The following DAB1 variants were observed in gnomAD, a reference collection of about 807,000 sequenced individuals.
The protein encoded by DAB1 is DAB adaptor protein 1.
A neutral mutation model predicts 64.6 loss-of-function variants in DAB1; 15 were observed. The observed-to-expected ratio is 0.23, with a 90% confidence interval of 0.16 to 0.36. The LOEUF is 0.36. DAB1 is among the 10% of genes least tolerant of loss of function. DAB1 has a pLI of 1.00. For missense variants in DAB1, 596 were observed against 706.7 expected (o/e 0.84, Z 1.78); for synonymous variants, 235 against 251.9 (o/e 0.93, Z 0.64).
chr1:57,097,450 C>T (rs1170838079), intron 4 of DAB1, among the ~76,000 whole-genome samples: 3 of 152,174 alleles, frequency 2.0e-5, no homozygotes, highest in Non-Finnish European at 2.9e-5. Flanking sequence ...GCATCCAATG[C>T]TTATGCACTT....
rs1046604388 is a variant in DAB1, at chr1:58,348,343, C to A, written n.258-4940G>T. On this transcript the variant is annotated intron_variant and non_coding_transcript_variant, in intron 3 of 20. Coordinates refer to the DAB1 transcript ENST00000485760. ...CTAAGTCAGTCACTGCTTTTTCCAA[C>A]AAACCGCAAGCCAGTAAAGAGACCA... Among the ~76,000 whole-genome samples, 3 of 152,188 alleles carry A rather than the reference C, an allele frequency of 2.0e-5. No homozygotes were observed. The East Asian group carries it at 5.8e-4, about 29-fold the overall frequency.
chr1:57,826,650 G>A (rs190397958), intron 1 of DAB1, among the ~76,000 whole-genome samples: 2 of 152,308 alleles, frequency 1.3e-5, no homozygotes, highest in East Asian at 1.9e-4. Flanking sequence ...ACAGCAAACA[G>A]GCATCGGAGC....
chr1:57,888,637 A>C (rs997291960), upstream of DAB1, among the ~76,000 whole-genome samples: 1 of 152,198 alleles, frequency 6.6e-6, no homozygotes, highest in African/African-American at 2.4e-5. Flanking sequence ...TTGATAGATA[A>C]ATATAAAATC....
intron 5 of DAB1, among the ~76,000 whole-genome samples, chr1:58,043,661 T>A (rs963827683): frequency 2.6e-5 from 4 of 152,190 alleles, no homozygotes; most frequent in Non-Finnish European, 5.9e-5. Flanking sequence ...TTCTCATCTA[T>A]AAAATGAGAT....
chr1:57,962,666 G>C (rs12240136), intron 5 of DAB1, among the ~76,000 whole-genome samples: 58,512 of 151,870 alleles, frequency 0.39, 12,800 homozygotes, highest in Admixed American at 0.51. Flanking sequence ...GAGGCAAGGA[G>C]TTCAAGACCG....
intron 1 of DAB1, among the ~76,000 whole-genome samples, chr1:57,423,599 C>G (rs750884462): frequency 3.3e-5 from 5 of 151,830 alleles, no homozygotes; most frequent in African/African-American, 4.8e-5. Context: ...CGCAGGGGGT[C>G]TTGGAGAGAG....
chr1:58,220,648 C>G (rs986308021), intron 4 of DAB1, among the ~76,000 whole-genome samples: 7 of 152,034 alleles, frequency 4.6e-5, no homozygotes, highest in African/African-American at 1.5e-4. Flanking sequence ...GAACTTAGGG[C>G]CTTTCCAGCT....
chr1:57,218,284 C>T (rs1371748515), intron 2 of DAB1, among the ~76,000 whole-genome samples: 1 of 152,168 alleles, frequency 6.6e-6, no homozygotes, highest in Non-Finnish European at 1.5e-5. Flanking sequence ...CTTCAGTATA[C>T]TGGCCTCTCA....
At chr1:57,994,940 C>T (rs1272921486) in intron 5 of DAB1, among the ~76,000 whole-genome samples, 1 of 151,920 alleles carries the variant, frequency 6.6e-6, no homozygotes, top group East Asian at 1.9e-4. Context: ...AGGATGAGAC[C>T]ATTGGCACCT....
chr1:58,337,479 T>C (rs564420479), intron 4 of DAB1, among the ~76,000 whole-genome samples: 1 of 152,244 alleles, frequency 6.6e-6, no homozygotes. Context: ...TTGGAATAAA[T>C]CATTGGTAGC....
intron 1 of DAB1, among the ~76,000 whole-genome samples, chr1:57,313,680 G>C (rs1028630885): frequency 6.6e-6 from 1 of 152,200 alleles, no homozygotes; most frequent in South Asian, 2.1e-4. Context: ...TCAGTCAGTG[G>C]TTGTTAACAT....
At chr1:57,081,917 T>C (rs1292633010) in intron 4 of DAB1, among the ~76,000 whole-genome samples, 4 of 152,154 alleles carry the variant, frequency 2.6e-5, no homozygotes, top group Non-Finnish European at 5.9e-5. Context: ...GAGACACAAA[T>C]ACTTTAAAAA....
At chr1:57,867,223 C>T (rs763103645) in intron 1 of DAB1, 4 of 152,138 alleles carry the variant, frequency 2.6e-5, no homozygotes, top group Non-Finnish European at 5.9e-5. Context: ...GACTTCACCC[C>T]GGAAAACTCC....
chr1:57,177,203 G>A (rs1452965978), intron 2 of DAB1, among the ~76,000 whole-genome samples: 1 of 151,970 alleles, frequency 6.6e-6, no homozygotes, highest in Non-Finnish European at 1.5e-5. Context: ...TGCTGCCCTA[G>A]AAAATCAGTC....
intron 1 of DAB1, among the ~76,000 whole-genome samples, chr1:57,882,302 G>A (rs932750608): frequency 2.6e-5 from 4 of 152,286 alleles, no homozygotes; most frequent in East Asian, 3.9e-4. Flanking sequence ...CAAAATGGAC[G>A]ATGTGGGAGG....
At chr1:57,184,114 G>T (rs943368204) in intron 2 of DAB1, among the ~76,000 whole-genome samples, 1 of 152,148 alleles carries the variant, frequency 6.6e-6, no homozygotes, top group Admixed American at 6.5e-5. Context: ...TATGAATAGA[G>T]GTAAAGGGAG....
chr1:57,030,427 A>C (rs1319252757), intron 9 of DAB1, among the ~76,000 whole-genome samples: 1 of 152,246 alleles, frequency 6.6e-6, no homozygotes, highest in Non-Finnish European at 1.5e-5. Context: ...CCTGAAGGAG[A>C]GGAGCCATGT....
intron 4 of DAB1, among the ~76,000 whole-genome samples, chr1:57,115,621 G>C (rs1175419033): frequency 6.6e-6 from 1 of 152,154 alleles, no homozygotes; most frequent in Non-Finnish European, 1.5e-5. Flanking sequence ...AATGGCTACT[G>C]TATTGCATGT....
intron 7 of DAB1, among the ~76,000 whole-genome samples, chr1:57,544,798 G>A (rs1644838442): frequency 6.6e-6 from 1 of 152,152 alleles, no homozygotes; most frequent in Non-Finnish European, 1.5e-5. Flanking sequence ...CTCTTTGCTA[G>A]GCACTTTTCC....
Sources: gnomAD v4.1 joint callset for allele counts (sites outside exome capture counted in the v4.1 genomes callset) on GRCh38, gnomAD v4.1.1 for gene constraint, MANE v1.5 for transcripts, NCBI Gene and HGNC (gene_info 2026-07-23, HGNC 2026-07-21) for gene names.